Variants in AFG3L2 observed in about 807,000 individuals in gnomAD.
The protein encoded by AFG3L2 is mitochondrial inner membrane m-AAA protease component AFG3L2.
In AFG3L2, 54 loss-of-function variants were observed where a neutral mutation model predicts 94.5. The observed-to-expected ratio is 0.57, with a 90% CI of 0.46 to 0.72. The LOEUF (loss-of-function observed/expected upper bound fraction) is 0.72. Among genes scored for constraint, AFG3L2 ranks in the 30% least tolerant of loss-of-function variants. AFG3L2 has a pLI of 0.00. For missense variants in AFG3L2, 754 were observed against 994.9 expected (o/e 0.76, Z 3.26); for synonymous variants, 377 against 365.5 (o/e 1.03, Z -0.36).
chr18:12,335,330 T>C (rs1907706033), intron 16 of AFG3L2, among the ~76,000 whole-genome samples: 2 of 152,232 alleles, frequency 1.3e-5, no homozygotes, highest in Admixed American at 6.5e-5. Flanking sequence ...GAACAAGAGA[T>C]GCATGCGTAA....
rs560849944 is a variant in AFG3L2 at position 12,357,958 on chromosome 18, G to A, written c.1026+712C>T. On this transcript the variant is annotated intron_variant, in intron 8 of 16. Coordinates refer to ENST00000269143, the MANE Select transcript of AFG3L2 (RefSeq NM_006796.3). The stretch of plus-strand genomic sequence containing the variant: ...TAGGTGTAATGCAAACGGGTACTAA[G>A]TAAGTTATAAATTCATAAAATATGA... Among the ~76,000 whole-genome samples the A allele has an allele frequency of 9.8e-4, 149 of 152,240 alleles. 1 individual carries two copies. The highest frequency in any genetic ancestry group is 3.4e-3 in the African/African-American group (142 of 41,528).
chr18:12,364,869 T>C (rs1908760999), intron 5 of AFG3L2, among the ~76,000 whole-genome samples: 1 of 152,074 alleles, frequency 6.6e-6, no homozygotes, highest in Admixed American at 6.6e-5. Context: ...GGGGTCTCCC[T>C]ACATTCCCCA....
At chr18:12,361,171 A>AC (rs754714571) in intron 6 of AFG3L2, among the ~76,000 whole-genome samples, 41 of 151,914 alleles carry the variant, frequency 2.7e-4, no homozygotes, top group Non-Finnish European at 5.0e-4. Flanking sequence ...GGAGTTTGAG[A>AC]CCCCCCTGGC....
intron 1 of AFG3L2, among the ~76,000 whole-genome samples, chr18:12,376,212 G>A (rs1235537284): frequency 1.3e-5 from 2 of 152,172 alleles, no homozygotes; most frequent in East Asian, 1.9e-4. Context: ...TGGCCGACCC[G>A]GGGACCTCAA....
chr18:12,333,210 T>C (rs1216235535), intron 16 of AFG3L2, among the ~76,000 whole-genome samples: 2 of 121,212 alleles, frequency 1.7e-5, no homozygotes, highest in Non-Finnish European at 3.2e-5. Flanking sequence ...TAATCTAATA[T>C]ATAATCTATT....
chr18:12,369,235 A>G (rs796210796), intron 3 of AFG3L2, among the ~76,000 whole-genome samples: 14 of 152,150 alleles, frequency 9.2e-5, no homozygotes, highest in African/African-American at 3.4e-4. Flanking sequence ...ATGGGTTATC[A>G]TTACTCGGCC....
intron 7 of AFG3L2, 129 bp from the exon 8 acceptor site, chr18:12,359,072 G>C: frequency 7.4e-7 from 1 of 1,342,580 alleles, no homozygotes; most frequent in Non-Finnish European, 1.0e-6. Context: ...ATACAAAGGA[G>C]GGTAACTTGC....
At chr18:12,337,786 T>C (rs1285925922) in intron 15 of AFG3L2, among the ~76,000 whole-genome samples, 1 of 152,196 alleles carries the variant, frequency 6.6e-6, no homozygotes, top group African/African-American at 2.4e-5. Context: ...CTCTTTTTTT[T>C]TTAGACAGAG....
intron 13 of AFG3L2, among the ~76,000 whole-genome samples, chr18:12,344,823 C>T (rs1908079885): frequency 6.6e-6 from 1 of 152,150 alleles, no homozygotes; most frequent in African/African-American, 2.4e-5. Context: ...CCTGCTTTCA[C>T]CCTAACTCTC....
chr18:12,346,903 CAAAAAAAAAAAAA>C (rs35013811), intron 13 of AFG3L2, among the ~76,000 whole-genome samples: 1 of 36,832 alleles, frequency 2.7e-5, no homozygotes, highest in Admixed American at 3.6e-4. Context: ...GACTCCATCT[CAAAAAAAAAAAAA>C]AAAAAAAAAA....
In AFG3L2 at chr18:12,363,855, A is replaced by C; in HGVS notation, c.554T>G (p.Val185Gly). Residue 185 changes from valine to glycine, a missense_variant and splice_region_variant, in exon 6 of 17, where the codon GTA (valine) becomes GGA (glycine). Val to Gly is a moderately radical substitution (Grantham distance 109, BLOSUM62 -3). Around this residue, in one of 4 missense-constraint regions of AFG3L2, gnomAD observed 130 missense variants for 175.1 expected, o/e 0.74. Transcript: ENST00000269143. ...FVNNYLSKGV[V>G]DRLEVVNKRF... ...CTTGTTGACGACTTCCAATCTGTCTACCTAGAATTTTAAAAATAAATTCAC... is the reference window on the plus strand; with the variant it reads ...CTTGTTGACGACTTCCAATCTGTCTCCCTAGAATTTTAAAAATAAATTCAC... 1 of 1,611,248 alleles carries C rather than the reference A, an allele frequency of 6.2e-7. No homozygotes were observed. Among genetic ancestry groups the C allele is most frequent in the Non-Finnish European group, 8.5e-7 (1 of 1,177,876 alleles).
At chr18:12,333,906 T>C (rs1907664292) in intron 16 of AFG3L2, among the ~76,000 whole-genome samples, 1 of 152,176 alleles carries the variant, frequency 6.6e-6, no homozygotes, top group Non-Finnish European at 1.5e-5. Context: ...GCTGTGCTGC[T>C]TACCCACTGT....
At chr18:12,371,546 C>A in intron 2 of AFG3L2, 46 bp downstream of exon 2, 1 of 1,541,412 alleles carries the variant, frequency 6.5e-7, no homozygotes, top group Middle Eastern at 2.2e-4. Flanking sequence ...AGACAAAAGA[C>A]CCAACCTAAG....
intron 14 of AFG3L2, 103 bp from the exon 15 acceptor site, chr18:12,340,504 C>T (rs1907914188): frequency 1.1e-6 from 1 of 909,156 alleles, no homozygotes; most frequent in Non-Finnish European, 1.8e-6. Flanking sequence ...ATAAGCACAA[C>T]AGCCGCACAG....
intron 7 of AFG3L2, among the ~76,000 whole-genome samples, chr18:12,359,656 G>A (rs181468164): frequency 3.3e-5 from 5 of 152,040 alleles, no homozygotes; most frequent in East Asian, 1.9e-4. Flanking sequence ...GGAGAATCGC[G>A]TGAACTGGGG....
At chr18:12,362,989 A>G (rs1308435286) in intron 6 of AFG3L2, among the ~76,000 whole-genome samples, 1 of 152,244 alleles carries the variant, frequency 6.6e-6, no homozygotes, top group Non-Finnish European at 1.5e-5. Context: ...CACTAGGTAG[A>G]GGGAATGGGA....
intron 7 of AFG3L2, among the ~76,000 whole-genome samples, chr18:12,359,368 C>T (rs965933687): frequency 9.9e-5 from 15 of 151,878 alleles, no homozygotes; most frequent in South Asian, 4.1e-4. Context: ...AATGTTAATA[C>T]CCTAAACCAC....
At chr18:12,354,594 T>C (rs1244386183) in intron 9 of AFG3L2, among the ~76,000 whole-genome samples, 4 of 152,126 alleles carry the variant, frequency 2.6e-5, no homozygotes, top group African/African-American at 9.7e-5. Flanking sequence ...ACCCCTTCAT[T>C]CACCTTTTAC....
At chr18:12,334,980 T>C (rs1233368504) in intron 16 of AFG3L2, among the ~76,000 whole-genome samples, 2 of 152,294 alleles carry the variant, frequency 1.3e-5, no homozygotes, top group East Asian at 3.9e-4. Flanking sequence ...CCTAAACGCA[T>C]TATGCCAAGG....
Sources: gnomAD v4.1 joint callset for allele counts (sites outside exome capture counted in the v4.1 genomes callset) on GRCh38, gnomAD v4.1.1 for gene constraint, gnomAD v4.1.1 regional missense constraint, MANE v1.5 for transcripts, NCBI Gene and HGNC (gene_info 2026-07-23, HGNC 2026-07-21) for gene names.